The following KAT2B variants were observed in gnomAD, a reference collection of about 807,000 sequenced individuals.
The protein encoded by KAT2B is histone acetyltransferase KAT2B.
In KAT2B, 36 loss-of-function variants were observed where a neutral mutation model predicts 105.9. The observed-to-expected ratio is 0.34, with a 90% CI of 0.26 to 0.45. The LOEUF is 0.45. Among genes scored for constraint, KAT2B ranks in the 20% least tolerant of loss-of-function variants. The pLI is 1.00. For missense variants in KAT2B, 820 were observed against 1,021.6 expected (o/e 0.80, Z 2.69); for synonymous variants, 397 against 377.9 (o/e 1.05, Z -0.59).
intron 6 of KAT2B, among the ~76,000 whole-genome samples, chr3:20,114,112 A>G (rs36029475): frequency 0.11 from 16,909 of 152,000 alleles, 1,184 homozygotes; most frequent in Admixed American, 0.16. Flanking sequence ...TTCTTTTTAA[A>G]TCACCTGCCC....
chr3:20,046,357 G>A (rs528310361), intron 1 of KAT2B, among the ~76,000 whole-genome samples: 104 of 152,256 alleles, frequency 6.8e-4, no homozygotes, highest in African/African-American at 2.5e-3. Context: ...CAAGGCAGAC[G>A]GATCACTTGA....
chr3:20,053,527 C>T (rs796080833), intron 1 of KAT2B, among the ~76,000 whole-genome samples: 130 of 151,866 alleles, frequency 8.6e-4, no homozygotes, highest in African/African-American at 3.0e-3. Context: ...AGAGTGAGAC[C>T]CTGTCTCAAA....
chr3:20,136,146 G>T (rs147379111), intron 11 of KAT2B, among the ~76,000 whole-genome samples: 24 of 152,254 alleles, frequency 1.6e-4, no homozygotes, highest in African/African-American at 5.5e-4. Context: ...AGAAAAATGT[G>T]CCACCAAATT....
At chr3:20,128,016 G>A (rs946609321) in intron 11 of KAT2B, among the ~76,000 whole-genome samples, 1 of 152,174 alleles carries the variant, frequency 6.6e-6, no homozygotes, top group African/African-American at 2.4e-5. Context: ...TGGTCTAGGG[G>A]TTGGGGACCT....
intron 1 of KAT2B, among the ~76,000 whole-genome samples, chr3:20,043,731 A>T (rs978188703): frequency 5.3e-5 from 7 of 132,920 alleles, no homozygotes; most frequent in African/African-American, 1.0e-4. Context: ...CTTTTTTTAA[A>T]AAAAAAAAAA....
At chr3:20,071,793 C>G (rs535309578) in intron 1 of KAT2B, among the ~76,000 whole-genome samples, 2 of 152,168 alleles carry the variant, frequency 1.3e-5, no homozygotes, top group African/African-American at 2.4e-5. Context: ...GCTGGGAGCT[C>G]ACAGAAGTCT....
At chr3:20,149,246 TTCTG>T (rs1699827003) in intron 17 of KAT2B, among the ~76,000 whole-genome samples, 1 of 152,082 alleles carries the variant, frequency 6.6e-6, no homozygotes, top group African/African-American at 2.4e-5. Flanking sequence ...AGCCAGAGTC[TTCTG>T]TCTCTTTTCT....
chr3:20,108,228 G>T (rs1170126818), intron 5 of KAT2B, among the ~76,000 whole-genome samples: 7 of 152,126 alleles, frequency 4.6e-5, no homozygotes, highest in Non-Finnish European at 1.0e-4. Context: ...ATTTTACACT[G>T]TTTCCATTTA....
Position 20,095,313 on chromosome 3 carries a change from C to G in KAT2B, c.481C>G (p.Leu161Val). The G allele has an allele frequency of 6.2e-7, 1 of 1,609,176 alleles. No individual in the cohort carries two copies. Among genetic ancestry groups the G allele is most frequent in the Non-Finnish European group, 8.5e-7 (1 of 1,175,578 alleles). Residue 161 changes from leucine (L) to valine (V), a missense_variant, in exon 3 of 18, where the codon CTC (leucine) becomes GTC (valine). Coordinates refer to ENST00000263754, the MANE Select transcript of KAT2B (RefSeq NM_003884.5). The stretch of plus-strand genomic sequence containing the variant: ...TGTGTCAGAGGAAGAAATGAACAGA[C>G]TCCTGGGAATAGTATTGGATGTGGA... ...ENVSEEEMNR[L>V]LGIVLDVEYL...
intron 1 of KAT2B, among the ~76,000 whole-genome samples, chr3:20,046,176 A>G (rs1044542788): frequency 1.3e-5 from 2 of 152,252 alleles, no homozygotes; most frequent in African/African-American, 2.4e-5. Context: ...TTACTCGTAT[A>G]TCAGAGTCAG....
At chr3:20,107,015 ATTTTTTTTTTTTTTTTTTTTT>A (rs575168989) in intron 5 of KAT2B, among the ~76,000 whole-genome samples, 1 of 26,132 alleles carries the variant, frequency 3.8e-5, no homozygotes, top group Non-Finnish European at 6.4e-5. Context: ...ATATATATAT[ATTTTTTTTTTTTTTTTTTTTT>A]TTTTTTTTTT....
chr3:20,079,947 G>A lies in KAT2B; in HGVS notation c.430+7488G>A, dbSNP rs117118536. Among the ~76,000 whole-genome samples, 988 of 152,306 alleles carry A rather than the reference G, an allele frequency of 6.5e-3. 22 individuals carry two copies. Among genetic ancestry groups the A allele is most frequent in the East Asian group, 0.061 (314 of 5,182 alleles). On this transcript the variant is annotated intron_variant, in intron 2 of 17. Coordinates refer to ENST00000263754, the MANE Select transcript of KAT2B (RefSeq NM_003884.5). Reference sequence around the variant, plus strand: ...TATTTTCTCTGCTCATTTGGTATAAGTTATGTCTCCCTGACGTCCTCTGGT... The same window carrying A: ...TATTTTCTCTGCTCATTTGGTATAAATTATGTCTCCCTGACGTCCTCTGGT...
chr3:20,149,495 C>CAAAAAAAAAAAAGAAAAAAAAA (rs1699834006), intron 17 of KAT2B, among the ~76,000 whole-genome samples: 1 of 42,448 alleles, frequency 2.4e-5, no homozygotes, highest in Non-Finnish European at 3.8e-5. Flanking sequence ...GACCGTATCT[C>CAAAAAAAAAAAAGAAAAAAAAA]AAAAAAAAAA....
At chr3:20,117,167 A>G (rs76013046) in intron 7 of KAT2B, among the ~76,000 whole-genome samples, 2,105 of 152,296 alleles carry the variant, frequency 0.014, 45 homozygotes, top group African/African-American at 0.047. Context: ...GTTATCTGTC[A>G]TAGTACAGGA....
In KAT2B at chr3:20,073,739, C is replaced by G. The variant is rs77670027; in HGVS notation, c.430+1280C>G. Reference sequence around the variant, plus strand: ...AAAAAAATAAATAAATAAAACAGAACGAAACAAAACAATCACTAACTCTGA... The same window carrying G: ...AAAAAAATAAATAAATAAAACAGAAGGAAACAAAACAATCACTAACTCTGA... On this transcript the variant is annotated intron_variant, in intron 2 of 17. Transcript: ENST00000263754. Among the ~76,000 whole-genome samples, 117 of 150,672 alleles carry G rather than the reference C, an allele frequency of 7.8e-4. No individual in the cohort carries two copies. In the East Asian group the frequency reaches 0.022, roughly 28 times the overall value.
At chr3:20,052,232 T>C (rs947436996) in intron 1 of KAT2B, among the ~76,000 whole-genome samples, 1 of 152,226 alleles carries the variant, frequency 6.6e-6, no homozygotes, top group Non-Finnish European at 1.5e-5. Flanking sequence ...CTCTATAATC[T>C]TATCTTGTTT....
At chr3:20,090,005 A>G (rs977420162) in intron 2 of KAT2B, among the ~76,000 whole-genome samples, 1 of 147,042 alleles carries the variant, frequency 6.8e-6, no homozygotes, top group Non-Finnish European at 1.5e-5. Flanking sequence ...CAAAAAAACA[A>G]AACAAGAAAA....
chr3:20,075,936 C>G (rs190339755), intron 2 of KAT2B, among the ~76,000 whole-genome samples: 1 of 150,834 alleles, frequency 6.6e-6, no homozygotes, highest in African/African-American at 2.4e-5. Flanking sequence ...TTTTTTCATA[C>G]GGCTTTATCT....
intron 14 of KAT2B, among the ~76,000 whole-genome samples, chr3:20,147,468 G>A (rs1699799566): frequency 6.6e-6 from 1 of 151,982 alleles, no homozygotes; most frequent in Admixed American, 6.6e-5. Flanking sequence ...TTTAGGGTGA[G>A]TTACCTTTTA....
Sources: allele counts gnomAD v4.1 joint callset (sites outside exome capture counted in the v4.1 genomes callset), GRCh38; gene constraint gnomAD v4.1.1; transcripts MANE v1.5; gene names NCBI Gene and HGNC (gene_info 2026-07-23, HGNC 2026-07-21).